The following TMEM132D variants were observed in gnomAD, a reference collection of about 807,000 sequenced individuals.
TMEM132D encodes the protein mature OL transmembrane protein.
In TMEM132D, 21 loss-of-function variants were observed where a neutral mutation model predicts 62.3. The ratio of observed to expected loss-of-function variants is 0.34; its 90% confidence interval spans 0.24 to 0.49. The LOEUF (loss-of-function observed/expected upper bound fraction) is 0.49, where lower values mean the gene tolerates loss of function less well. TMEM132D is among the 20% of genes least tolerant of loss of function. The pLI is 0.99. For missense variants in TMEM132D, 1,346 were observed against 1,402.8 expected (o/e 0.96, Z 0.65); for synonymous variants, 621 against 575.6 (o/e 1.08, Z -1.13).
chr12:129,782,469 G>A (rs895023983), intron 1 of TMEM132D, among the ~76,000 whole-genome samples: 8 of 152,270 alleles, frequency 5.3e-5, no homozygotes, highest in South Asian at 4.1e-4. Context: ...TGGGGGTGGC[G>A]GCTGATTGTA....
chr12:129,302,006 C>T (rs956254332), intron 4 of TMEM132D, among the ~76,000 whole-genome samples: 2 of 152,180 alleles, frequency 1.3e-5, no homozygotes, highest in African/African-American at 2.4e-5. Context: ...CAGCTTCTAT[C>T]TAAAGGACAT....
At chr12:129,717,610 A>T (rs1399487955) in intron 1 of TMEM132D, among the ~76,000 whole-genome samples, 4 of 150,422 alleles carry the variant, frequency 2.7e-5, no homozygotes, top group African/African-American at 9.7e-5. Context: ...GGAAACACAG[A>T]ATATGAGGCC....
intron 3 of TMEM132D, among the ~76,000 whole-genome samples, chr12:129,491,894 A>T (rs1234371999): frequency 6.6e-6 from 1 of 151,980 alleles, no homozygotes; most frequent in African/African-American, 2.4e-5. Context: ...GTGAACTGAG[A>T]TCGTGCCACT....
chr12:129,797,636 T>C (rs370936870), intron 1 of TMEM132D, among the ~76,000 whole-genome samples: 1 of 152,206 alleles, frequency 6.6e-6, no homozygotes, highest in East Asian at 1.9e-4. Context: ...TTCTGAGTTA[T>C]GGAAATCCAC....
At chr12:129,566,444 G>A (rs1877370491) in intron 2 of TMEM132D, among the ~76,000 whole-genome samples, 1 of 152,030 alleles carries the variant, frequency 6.6e-6, no homozygotes, top group South Asian at 2.1e-4. Context: ...AAAGAGGGGG[G>A]TCAGACGTGC....
intron 1 of TMEM132D, among the ~76,000 whole-genome samples, chr12:129,814,936 C>G (rs1872302676): frequency 6.6e-6 from 1 of 152,190 alleles, no homozygotes; most frequent in Non-Finnish European, 1.5e-5. Flanking sequence ...CTAGCATAAG[C>G]CCCCACATGC....
At chr12:129,492,454 C>G (rs1363575726) in intron 3 of TMEM132D, among the ~76,000 whole-genome samples, 5 of 152,166 alleles carry the variant, frequency 3.3e-5, no homozygotes, top group African/African-American at 1.2e-4. Context: ...GACATCAGAT[C>G]ATTAAATACA....
Position 129,594,944 on chromosome 12 carries a change from G to T in TMEM132D, c.969-63739C>A, listed in dbSNP as rs116346287. On this transcript the variant is annotated intron_variant, in intron 2 of 8. Transcript: ENST00000422113. Reference sequence around the variant, plus strand: ...AAATATACCTTGTTCAATAGACTCAGGGTTTATAATCACAGACAGGTACAG... The same window carrying T: ...AAATATACCTTGTTCAATAGACTCATGGTTTATAATCACAGACAGGTACAG... Among the ~76,000 whole-genome samples, 1,281 of 152,292 alleles carry T rather than the reference G, an allele frequency of 8.4e-3. 17 individuals carry two copies. Among genetic ancestry groups the T allele is most frequent in the African/African-American group, 0.03 (1,239 of 41,558 alleles).
chr12:129,118,839 A>G (rs1462496381), intron 5 of TMEM132D, among the ~76,000 whole-genome samples: 2 of 152,208 alleles, frequency 1.3e-5, no homozygotes, highest in Non-Finnish European at 2.9e-5. Flanking sequence ...GGCATCTCTC[A>G]GGCCCTGGAG....
At chr12:129,331,680 T>C (rs1869109925) in intron 4 of TMEM132D, among the ~76,000 whole-genome samples, 1 of 152,196 alleles carries the variant, frequency 6.6e-6, no homozygotes, top group African/African-American at 2.4e-5. Context: ...TATTTTAAAA[T>C]GAAGAGGACT....
intron 3 of TMEM132D, among the ~76,000 whole-genome samples, chr12:129,358,842 G>A (rs970758289): frequency 1.3e-5 from 2 of 152,086 alleles, no homozygotes; most frequent in Non-Finnish European, 2.9e-5. Flanking sequence ...CTGCTGGAGA[G>A]AGGAAAATGG....
At chr12:129,844,739 T>C (rs1370393099) in intron 1 of TMEM132D, among the ~76,000 whole-genome samples, 2 of 152,208 alleles carry the variant, frequency 1.3e-5, no homozygotes, top group African/African-American at 4.8e-5. Context: ...CTCCCTTATA[T>C]GGTCCCAGAA....
chr12:129,791,963 C>A (rs989789723), intron 1 of TMEM132D, among the ~76,000 whole-genome samples: 1 of 152,138 alleles, frequency 6.6e-6, no homozygotes, highest in African/African-American at 2.4e-5. Context: ...GCTGATGCTG[C>A]CCCCGACAGA....
In TMEM132D at chr12:129,088,441, T is replaced by C. The variant is rs1275963653; in HGVS notation, c.1444-3739A>G. On this transcript the variant is annotated intron_variant, in intron 5 of 8. Coordinates refer to ENST00000422113, the MANE Select transcript of TMEM132D (RefSeq NM_133448.3). The stretch of plus-strand genomic sequence containing the variant: ...GGGTGTCCTCTATGACCGGGTGTCC[T>C]CCATGACCGGGTGTCCTCCATGACC... Among the ~76,000 whole-genome samples, 5 of 42,584 alleles carry C rather than the reference T, an allele frequency of 1.2e-4. 2 individuals are homozygous for C. Among genetic ancestry groups the C allele is most frequent in the African/African-American group, 8.9e-4 (5 of 5,640 alleles). The allele number at this position is 42,584 out of a possible 152,430, so 27.9% of individuals were successfully genotyped here. A position where few individuals can be genotyped will look rare whatever the true frequency, so the allele number is the denominator to read the frequency against.
intron 1 of TMEM132D, among the ~76,000 whole-genome samples, chr12:129,775,737 C>T (rs182059381): frequency 6.6e-6 from 1 of 152,240 alleles, no homozygotes; most frequent in Non-Finnish European, 1.5e-5. Flanking sequence ...GCCTCCCAGG[C>T]CCCTCCTCCT....
rs529915311 is a variant in TMEM132D, at chr12:129,781,189, C to T, written c.80-80491G>A. On this transcript the variant is annotated intron_variant, in intron 1 of 8. Transcript: ENST00000422113. ...GTACAGATGCTAACAGTACAGAAACCGCCACATGTCTTCTTCTTGGCTCTT... is the reference window on the plus strand; with the variant it reads ...GTACAGATGCTAACAGTACAGAAACTGCCACATGTCTTCTTCTTGGCTCTT... Among the ~76,000 whole-genome samples, 7 of 152,236 alleles carry T rather than the reference C, an allele frequency of 4.6e-5. No individual in the cohort carries two copies. In the East Asian group the frequency reaches 7.7e-4, roughly 17 times the overall value.
chr12:129,073,170 AAAG>A lies in TMEM132D; in HGVS notation c.*702_*704del, dbSNP rs751657854. 6.6e-6 allele frequency: 1 copy of A among 152,236 alleles called. No homozygotes were observed. The highest frequency in any genetic ancestry group is 2.4e-5 in the African/African-American group (1 of 41,460). The allele number at this position is 152,236 out of a possible 1,614,324, so 9.4% of individuals were successfully genotyped here. On this transcript the variant is annotated 3_prime_UTR_variant, in exon 9 of 9. Transcript: ENST00000422113. Reference sequence around the variant, plus strand: ...TGCCCAGTATCCTTAGTTTACAAATAAAGAAGTACCCTGAAGGGCTCAGAGGAT... The same window carrying A: ...TGCCCAGTATCCTTAGTTTACAAATAAAGTACCCTGAAGGGCTCAGAGGAT...
At chr12:129,414,633 T>G (rs1380090682) in intron 3 of TMEM132D, among the ~76,000 whole-genome samples, 1 of 152,228 alleles carries the variant, frequency 6.6e-6, no homozygotes, top group African/African-American at 2.4e-5. Context: ...CTTCACCTAG[T>G]TACCATTTTT....
intron 1 of TMEM132D, among the ~76,000 whole-genome samples, chr12:129,755,692 C>G (rs1870146454): frequency 6.6e-6 from 1 of 152,126 alleles, no homozygotes; most frequent in Non-Finnish European, 1.5e-5. Flanking sequence ...TAATTTGAAT[C>G]TGGAAAGATA....
Sources: allele counts gnomAD v4.1 joint callset (sites outside exome capture counted in the v4.1 genomes callset), GRCh38; gene constraint gnomAD v4.1.1; transcripts MANE v1.5; gene names NCBI Gene and HGNC (gene_info 2026-07-23, HGNC 2026-07-21).